SNX31: variants seen among roughly 807,000 people sequenced by gnomAD.
SNX31 encodes the protein sorting nexin-31.
Under a neutral mutation model 65.4 loss-of-function variants are expected in SNX31, and 58 were observed. That is an observed-to-expected ratio of 0.89 (90% CI 0.72 to 1.10). SNX31 has a LOEUF of 1.10. Among genes scored for constraint, SNX31 ranks in the 50% least tolerant of loss-of-function variants. SNX31 has a pLI of 0.00. For missense variants in SNX31, 523 were observed against 529.7 expected (o/e 0.99, Z 0.12); for synonymous variants, 181 against 190.1 (o/e 0.95, Z 0.39).
In SNX31 at chr8:100,596,346, A is replaced by G. The variant is rs548964629; in HGVS notation, c.978+293T>C. The stretch of plus-strand genomic sequence containing the variant: ...ACACTGAGCACGTAGTAAGTGCTCA[A>G]TAAATGGTAGCTGTTATTGCCATCT... On this transcript the variant is annotated intron_variant, in intron 10 of 13. Transcript: ENST00000311812. Among the ~76,000 whole-genome samples, 92 of 152,294 alleles carry G rather than the reference A, an allele frequency of 6.0e-4. 1 individual carries two copies. Among genetic ancestry groups the G allele is most frequent in the African/African-American group, 1.8e-3 (73 of 41,560 alleles).
chr8:100,619,373 T>G (rs997610738), intron 4 of SNX31, among the ~76,000 whole-genome samples: 4 of 152,232 alleles, frequency 2.6e-5, no homozygotes, highest in Non-Finnish European at 4.4e-5. Flanking sequence ...AGTTTCCAGC[T>G]GAAGGAGCAG....
intron 1 of SNX31, among the ~76,000 whole-genome samples, chr8:100,659,307 T>C (rs1809730166): frequency 7.5e-6 from 1 of 133,658 alleles, no homozygotes; most frequent in Admixed American, 9.1e-5. Context: ...ATCACACCAC[T>C]GCCCTCCAGC....
intron 10 of SNX31, among the ~76,000 whole-genome samples, chr8:100,596,238 C>T (rs961618817): frequency 1.3e-5 from 2 of 152,218 alleles, no homozygotes; most frequent in African/African-American, 4.8e-5. Flanking sequence ...TTGGGAGAAG[C>T]TGGCAATGCA....
Position 100,617,738 on chromosome 8 carries a change from CAAAAGAAAAGCAAAATAAATTT to C in SNX31, c.322-30_322-9del. The C allele has an allele frequency of 6.3e-7, 1 of 1,578,670 alleles. No homozygotes were observed. Among genetic ancestry groups the C allele is most frequent in the Non-Finnish European group, 8.6e-7 (1 of 1,164,824 alleles). On this transcript the variant is annotated splice_polypyrimidine_tract_variant and intron_variant, in intron 4 of 13. Coordinates refer to ENST00000311812, the MANE Select transcript of SNX31 (RefSeq NM_152628.4). ...GGCGATGTCAAATGTATTCTATAAG[CAAAAGAAAAGCAAAATAAATTT>C]CCACACCTTTTTTTTTTTTTTGGAG...
chr8:100,621,519 T>C (rs1563560191), intron 4 of SNX31, among the ~76,000 whole-genome samples: 1 of 152,152 alleles, frequency 6.6e-6, no homozygotes, highest in Admixed American at 6.5e-5. Context: ...ATATTTCCCA[T>C]CTTAAATGAT....
In SNX31 at chr8:100,575,494, A is replaced by G. The variant is rs1812974771; in HGVS notation, c.1227+1525T>C. ...CACAGCATGAGATAGGTTGGCCTGT[A>G]TTAGAGTTACCACTCATCCGAGAGG... On this transcript the variant is annotated intron_variant, in intron 13 of 13. Coordinates refer to ENST00000311812, the MANE Select transcript of SNX31 (RefSeq NM_152628.4). This position sits in a 1 kb window ranked among gnomAD's most constrained non-coding sequence, Gnocchi z 5.1. Among the ~76,000 whole-genome samples the G allele has an allele frequency of 6.6e-6, 1 of 152,222 alleles. No homozygotes were observed. The highest frequency in any genetic ancestry group is 1.5e-5 in the Non-Finnish European group (1 of 68,046).
intron 1 of SNX31, among the ~76,000 whole-genome samples, chr8:100,655,830 T>A (rs1020831431): frequency 6.6e-6 from 1 of 152,008 alleles, no homozygotes; most frequent in Admixed American, 6.6e-5. Context: ...GAGCTACCTA[T>A]GGGAGAAGGT....
At chr8:100,623,575 T>A (rs113725198) in intron 4 of SNX31, among the ~76,000 whole-genome samples, 2,454 of 152,278 alleles carry the variant, frequency 0.016, 65 homozygotes, top group African/African-American at 0.056. Flanking sequence ...GGGAACTTAC[T>A]CTGCTTCCCC....
chr8:100,579,803 C>T (rs1813339219), intron 12 of SNX31, among the ~76,000 whole-genome samples: 1 of 152,048 alleles, frequency 6.6e-6, no homozygotes, highest in South Asian at 2.1e-4. Flanking sequence ...ATTTTGAGAT[C>T]AGATCTACTT....
At chr8:100,653,245 G>A (rs908225256), upstream of SNX31, among the ~76,000 whole-genome samples, 3 of 152,122 alleles carry the variant, frequency 2.0e-5, no homozygotes, top group Non-Finnish European at 4.4e-5. Flanking sequence ...AAAATTATAC[G>A]ATACATAGGA....
At chr8:100,632,616 C>T (rs1036965099) in intron 3 of SNX31, among the ~76,000 whole-genome samples, 17 of 152,046 alleles carry the variant, frequency 1.1e-4, no homozygotes, top group African/African-American at 3.1e-4. Context: ...TAATAGTTGG[C>T]GATGTTTTAT....
intron 2 of SNX31, among the ~76,000 whole-genome samples, chr8:100,643,345 A>T (rs1235391659): frequency 6.6e-6 from 1 of 151,740 alleles, no homozygotes; most frequent in East Asian, 1.9e-4. Context: ...CTGCATTCAC[A>T]CCCCCCTATA....
intron 1 of SNX31, chr8:100,657,881 A>G (rs748971166): frequency 6.2e-5 from 23 of 369,686 alleles, no homozygotes; most frequent in Non-Finnish European, 1.1e-4. Context: ...AAAAGAAAAC[A>G]AAAAAACAAA....
intron 1 of SNX31, among the ~76,000 whole-genome samples, chr8:100,661,971 T>C (rs1193198300): frequency 1.3e-5 from 2 of 152,122 alleles, no homozygotes; most frequent in East Asian, 3.8e-4. Context: ...ATTACAGACA[T>C]GCACCTCCAC....
Position 100,660,167 on chromosome 8 carries a change from C to A in SNX31, c.-58+2975G>T, listed in dbSNP as rs920555819. 4.6e-5 allele frequency among the ~76,000 whole-genome samples: 7 copies of A among 152,206 alleles called. No individual in the cohort carries two copies. The highest frequency in any genetic ancestry group is 7.3e-5 in the Non-Finnish European group (5 of 68,046). On this transcript the variant is annotated intron_variant, in intron 1 of 5. Transcript: ENST00000520352. The surrounding 1 kb of genome is among the most constrained non-coding windows in gnomAD (Gnocchi z 4.1). ...TTAGTTACCTTTCTCTGAGCACTTA[C>A]CATCTTCCAGAGAACCATTTTACGT... is the stretch of plus-strand genomic sequence containing the variant.
rs559040834 is a variant in SNX31, at chr8:100,612,723, C to T, written c.523+272G>A. On this transcript the variant is annotated intron_variant, in intron 6 of 13. Coordinates refer to ENST00000311812, the MANE Select transcript of SNX31 (RefSeq NM_152628.4). This position sits in a 1 kb window ranked among gnomAD's most constrained non-coding sequence, Gnocchi z 4.3. ...GCAGGCGAGTGGTCAGTGGTCAGGC[C>T]GGGCCTGCGGTAAAGGGGAGGGGGT... Among the ~76,000 whole-genome samples, 7 of 152,208 alleles carry T rather than the reference C, an allele frequency of 4.6e-5. No individual in the cohort carries two copies. The South Asian group carries it at 8.3e-4, about 18-fold the overall frequency.
chr8:100,590,402 G>A (rs1426199032), intron 10 of SNX31, among the ~76,000 whole-genome samples: 1 of 152,142 alleles, frequency 6.6e-6, no homozygotes, highest in Non-Finnish European at 1.5e-5. Flanking sequence ...AAACCAGCCT[G>A]GGCACCATAG....
At chr8:100,615,948 T>G (rs986853595) in intron 5 of SNX31, among the ~76,000 whole-genome samples, 43 of 151,310 alleles carry the variant, frequency 2.8e-4, no homozygotes, top group African/African-American at 9.7e-4. Context: ...TTTTTTTTTG[T>G]ATTTTTCAGT....
chr8:100,650,655 A>T (rs1399529546), upstream of SNX31, among the ~76,000 whole-genome samples: 1 of 152,058 alleles, frequency 6.6e-6, no homozygotes, highest in Non-Finnish European at 1.5e-5. Flanking sequence ...ATGCCATTTA[A>T]TTTTCACAAA....
Sources: allele counts gnomAD v4.1 joint callset (sites outside exome capture counted in the v4.1 genomes callset), GRCh38; gene constraint gnomAD v4.1.1; non-coding constraint Gnocchi (gnomAD v3.1); transcripts MANE v1.5; gene names NCBI Gene and HGNC (gene_info 2026-07-23, HGNC 2026-07-21).